Variants in SAFB2 observed in about 807,000 individuals in gnomAD.
The protein encoded by SAFB2 is scaffold attachment factor B2.
In SAFB2, 32 loss-of-function variants were observed where a neutral mutation model predicts 100.6. That is an observed-to-expected ratio of 0.32 (90% CI 0.24 to 0.43). The LOEUF (loss-of-function observed/expected upper bound fraction) is 0.43, where lower values mean the gene tolerates loss of function less well. Among genes scored for constraint, SAFB2 ranks in the 20% least tolerant of loss-of-function variants. The pLI is 1.00. For synonymous variants in SAFB2, 500 were observed against 439.4 expected, an observed-to-expected ratio of 1.14 and a Z score of -1.72; for missense variants, 1,185 against 1,163.4, an observed-to-expected ratio of 1.02 and a Z score of -0.27.
chr19:5,590,224 CT>C (rs2052361887), intron 18 of SAFB2, 53 bp downstream of exon 18: 1 of 1,416,760 alleles, frequency 7.1e-7, no homozygotes, highest in Non-Finnish European at 9.3e-7. Flanking sequence ...AGGCACCAAC[CT>C]TTTCCCAGGT....
At chr19:5,605,440 T>C (rs1262148893) in intron 9 of SAFB2, among the ~76,000 whole-genome samples, 1 of 152,100 alleles carries the variant, frequency 6.6e-6, no homozygotes, top group Non-Finnish European at 1.5e-5. Context: ...AGATAAGTCA[T>C]CACAAGGAAA....
chr19:5,606,999 C>G (rs1169668526), intron 9 of SAFB2, among the ~76,000 whole-genome samples: 1 of 152,080 alleles, frequency 6.6e-6, no homozygotes, highest in Non-Finnish European at 1.5e-5. Flanking sequence ...TGGTGGCTCA[C>G]GCCTGTAATC....
At chr19:5,615,096 T>G (rs1323663652) in intron 4 of SAFB2, among the ~76,000 whole-genome samples, 1 of 152,200 alleles carries the variant, frequency 6.6e-6, no homozygotes, top group East Asian at 1.9e-4. Flanking sequence ...GGCTCAAGCC[T>G]GTAATCCCAG....
At chr19:5,592,909 G>A (rs1463610500) in intron 15 of SAFB2, 22 bp from the exon 16 acceptor site, 6 of 1,611,716 alleles carry the variant, frequency 3.7e-6, no homozygotes, top group East Asian at 2.2e-5. Context: ...TATTTTAAAA[G>A]AATACAAATT....
intron 2 of SAFB2, among the ~76,000 whole-genome samples, chr19:5,619,788 T>G (rs2053103974): frequency 6.7e-6 from 1 of 149,782 alleles, no homozygotes; most frequent in South Asian, 2.1e-4. Flanking sequence ...GAGGTTGCAG[T>G]GAGCCAAGAC....
At chr19:5,608,280 C>T (rs1397062096) in intron 9 of SAFB2, among the ~76,000 whole-genome samples, 2 of 152,146 alleles carry the variant, frequency 1.3e-5, no homozygotes, top group Admixed American at 1.3e-4. Flanking sequence ...ACACTGACGG[C>T]GTGCTCTAAT....
At position 5,622,773 on chromosome 19, in the gene SAFB2, C is replaced by T; in HGVS notation, c.-58G>A. On this transcript the variant is annotated 5_prime_UTR_variant, in exon 1 of 21. Transcript: ENST00000252542. Reference sequence around the variant, plus strand: ...CGCACACCGCCGGCAGCTATAGCGGCTCTGAACACAAAATGGCGCCGCCTA... The same window carrying T: ...CGCACACCGCCGGCAGCTATAGCGGTTCTGAACACAAAATGGCGCCGCCTA... 2.0e-6 allele frequency: 3 copies of T among 1,528,318 alleles called. No individual in the cohort carries two copies. Among genetic ancestry groups the T allele is most frequent in the South Asian group, 1.2e-5 (1 of 84,466 alleles). The allele number at this position is 1,528,318 out of a possible 1,614,324, so 94.7% of individuals were successfully genotyped here.
In SAFB2 at chr19:5,592,758, G is replaced by A. The variant is rs138974953; in HGVS notation, c.2337C>T (p.His779=). 6,793 of 1,614,110 alleles carry A rather than the reference G, an allele frequency of 4.2e-3. 20 individuals are homozygous for A. Among genetic ancestry groups the A allele is most frequent in the East Asian group, 9.6e-3 (429 of 44,888 alleles). The change falls in exon 16 of 21, where the codon CAC becomes CAT. Residue 779 remains histidine, a synonymous_variant. Transcript: ENST00000252542. The stretch of plus-strand genomic sequence containing the variant: ...ACAAGACCACTGACCTGTCGATGGC[G>A]TGGTCCTGGTACTGGCCCCGGTCTC... ...DHRDRGQYQD[H]AIDRREGSRP...
At chr19:5,597,391 A>AT (rs939717618) in intron 13 of SAFB2, among the ~76,000 whole-genome samples, 17 of 152,132 alleles carry the variant, frequency 1.1e-4, no homozygotes, top group East Asian at 9.6e-4. Context: ...CCCACCCTTT[A>AT]TTTTTTTTAA....
At chr19:5,589,474 G>A (rs2052340657) in intron 18 of SAFB2, among the ~76,000 whole-genome samples, 1 of 152,062 alleles carries the variant, frequency 6.6e-6, no homozygotes, top group Non-Finnish European at 1.5e-5. Context: ...CCCACCCTGT[G>A]GCGCTGGGCA....
At chr19:5,613,773 A>C in intron 4 of SAFB2, 2 of 984,628 alleles carry the variant, frequency 2.0e-6, no homozygotes, top group Non-Finnish European at 2.4e-6. Context: ...TGGGTGAATG[A>C]ACGAATGAAT....
chr19:5,588,306 G>A (rs975681257), intron 18 of SAFB2, among the ~76,000 whole-genome samples: 2 of 152,128 alleles, frequency 1.3e-5, no homozygotes, highest in Non-Finnish European at 2.9e-5. Flanking sequence ...CACTGCTGGT[G>A]GAAATGTAAA....
intron 14 of SAFB2, 96 bp downstream of exon 14, chr19:5,595,265 C>G (rs557504319): frequency 1.2e-4 from 176 of 1,482,454 alleles, no homozygotes; most frequent in Non-Finnish European, 1.5e-4. Flanking sequence ...CACTGGCTCT[C>G]GGGCACACAG....
chr19:5,590,957 C>T (rs558167049), intron 17 of SAFB2, among the ~76,000 whole-genome samples: 40 of 152,348 alleles, frequency 2.6e-4, no homozygotes, highest in African/African-American at 7.9e-4. Context: ...CCACCACGCA[C>T]GGGGCACCCG....
chr19:5,622,433 A>T (rs947120938), intron 1 of SAFB2, 97 bp downstream of exon 1: 41 of 1,289,382 alleles, frequency 3.2e-5, no homozygotes, highest in Non-Finnish European at 4.0e-5. Context: ...ACGCGGGGCG[A>T]ACCCAGGGCG....
At chr19:5,610,779 C>A in intron 7 of SAFB2, 91 bp from the exon 8 acceptor site, 1 of 930,486 alleles carries the variant, frequency 1.1e-6, no homozygotes, top group South Asian at 1.6e-5. Flanking sequence ...TGAATACCTA[C>A]CAGAAAATTA....
intron 4 of SAFB2, among the ~76,000 whole-genome samples, chr19:5,614,248 T>A (rs570122093): frequency 7.9e-5 from 12 of 152,156 alleles, no homozygotes; most frequent in Admixed American, 2.0e-4. Flanking sequence ...CCACCGCGCC[T>A]GGCCCGCCTA....
At position 5,595,380 on chromosome 19, in the gene SAFB2, G is replaced by A. The variant is rs766897032; in HGVS notation, c.1900C>T (p.Arg634Cys). 3 of 1,611,594 alleles carry A rather than the reference G, an allele frequency of 1.9e-6. No individual in the cohort carries two copies. The highest frequency in any genetic ancestry group is 1.7e-5 in the Admixed American group (1 of 59,994). Residue 634 changes from arginine to cysteine, a missense_variant, in exon 14 of 21, where the codon CGC (arginine) becomes TGC (cysteine). Arg to Cys is a radical substitution (Grantham distance 180). Coordinates refer to ENST00000252542, the MANE Select transcript of SAFB2 (RefSeq NM_014649.3). Reference sequence around the variant, plus strand: ...ACTCACCGCCGCCTCTCCGTTTCGCGGATCTCCCGTTCCCGCTGCCTCTGG... The same window carrying A: ...ACTCACCGCCGCCTCTCCGTTTCGCAGATCTCCCGTTCCCGCTGCCTCTGG... ...ERQRQREREI[R>C]ETERRREREQ...
intron 4 of SAFB2, among the ~76,000 whole-genome samples, chr19:5,614,937 G>A (rs1343033825): frequency 3.3e-5 from 5 of 152,198 alleles, no homozygotes; most frequent in Admixed American, 6.5e-5. Flanking sequence ...CAGGCTAGGC[G>A]TGGTGACTCA....
Sources: gnomAD v4.1 joint callset for allele counts (sites outside exome capture counted in the v4.1 genomes callset) on GRCh38, gnomAD v4.1.1 for gene constraint, MANE v1.5 for transcripts, NCBI Gene and HGNC (gene_info 2026-07-23, HGNC 2026-07-21) for gene names.